Variants in DHRS4L2 observed in about 807,000 individuals in gnomAD.
DHRS4L2 encodes the protein dehydrogenase/reductase 4 like 2.
Under a neutral mutation model 23.9 loss-of-function variants are expected in DHRS4L2, and 22 were observed. That is an observed-to-expected ratio of 0.92 (90% CI 0.66 to 1.31). DHRS4L2 has a LOEUF of 1.31. DHRS4L2 is among the 40% of genes most tolerant of loss of function. DHRS4L2 has a pLI of 0.00. For synonymous variants in DHRS4L2, 141 were observed against 123.7 expected (o/e 1.14, Z -0.93); for missense variants, 385 against 303.3 (o/e 1.27, Z -2.00).
Position 24,001,130 on chromosome 14 carries a change from C to T in DHRS4L2, c.531+46C>T, listed in dbSNP as rs766593107. ...CTCTTCCATCCCACCCTCCACTCCA[C>T]ATCTTTCCACCCCTCCTATTACCCA... On this transcript the variant is annotated intron_variant, in intron 5 of 7. Coordinates refer to ENST00000335125, the MANE Select transcript of DHRS4L2 (RefSeq NM_198083.4). 1.9e-6 allele frequency: 3 copies of T among 1,609,528 alleles called. No individual in the cohort carries two copies. In the South Asian group the frequency reaches 3.3e-5, roughly 18 times the overall value.
chr14:23,989,553 G>C (rs1361949594), intron 1 of DHRS4L2, among the ~76,000 whole-genome samples: 11 of 151,400 alleles, frequency 7.3e-5, no homozygotes, highest in Admixed American at 5.9e-4. Context: ...GGTACATCTG[G>C]GCCTACCTTG....
rs1307671789 is a variant in DHRS4L2 at position 23,990,892 on chromosome 14, G to C, written c.306+533G>C. On this transcript the variant is annotated intron_variant, in intron 2 of 7. Transcript: ENST00000335125. ...GCAACTTCCCAAGGTCCCACAGCCA[G>C]TAAGGAAAGACCCAGACCTCCCAAG... 3 of 754,466 alleles carry C rather than the reference G, an allele frequency of 4.0e-6. No individual in the cohort carries two copies. In the African/African-American group the frequency reaches 5.7e-5, roughly 14 times the overall value. 46.7% of individuals were successfully genotyped at this position (754,466 alleles called of 1,614,324 possible).
intron 1 of DHRS4L2, among the ~76,000 whole-genome samples, chr14:23,989,818 C>T (rs2034228674): frequency 6.6e-6 from 1 of 151,692 alleles, no homozygotes; most frequent in South Asian, 2.1e-4. Flanking sequence ...AGAAAGAAAC[C>T]TGGCGGCAGG....
At position 24,000,947 on chromosome 14, in the gene DHRS4L2, G is replaced by A. The variant is rs201378287; in HGVS notation, c.479+14G>A. The A allele has an allele frequency of 3.3e-4, 535 of 1,611,418 alleles. 11 individuals are homozygous for A. The Middle Eastern group carries it at 6.6e-3, about 20-fold the overall frequency. ...GGAGAAACGAGGGTACAGAGAGTGA[G>A]AGAGAGCCTGGGTGAGAGGGGACCC... On this transcript the variant is annotated intron_variant, in intron 4 of 7. Coordinates refer to ENST00000335125, the MANE Select transcript of DHRS4L2 (RefSeq NM_198083.4).
rs373740586 is a variant in DHRS4L2, at chr14:23,988,939, G to T, written c.-9G>T. 12 of 1,611,646 alleles carry T rather than the reference G, an allele frequency of 7.4e-6. No individual in the cohort carries two copies. The highest frequency in any genetic ancestry group is 2.2e-5 in the East Asian group (1 of 44,866). The stretch of plus-strand genomic sequence containing the variant: ...GAAGGAGTGGAACCCAGACTTGCTG[G>T]TCTGATCCATGCAGATGGCCAGGCT... On this transcript the variant is annotated 5_prime_UTR_variant, in exon 1 of 8. Coordinates refer to ENST00000335125, the MANE Select transcript of DHRS4L2 (RefSeq NM_198083.4).
chr14:24,004,445 G>T, intron 7 of DHRS4L2, 53 bp downstream of exon 7: 5 of 1,577,136 alleles, frequency 3.2e-6, no homozygotes, highest in Non-Finnish European at 4.3e-6. Flanking sequence ...GGGAAGGTCT[G>T]GTCCCTAGCA....
At chr14:24,004,429 G>A (rs1195666508) in intron 7 of DHRS4L2, 37 bp downstream of exon 7, 4 of 1,589,192 alleles carry the variant, frequency 2.5e-6, no homozygotes, top group Non-Finnish European at 3.4e-6. Context: ...TAAGAGACAT[G>A]AAGATGGGAA....
At chr14:23,984,270 A>T (rs1467686574), upstream of DHRS4L2, among the ~76,000 whole-genome samples, 2 of 151,712 alleles carry the variant, frequency 1.3e-5, no homozygotes, top group African/African-American at 2.4e-5. Context: ...TACTTTTCAC[A>T]TAACTTTCTT....
chr14:23,985,947 A>AT (rs2034132649), upstream of DHRS4L2, among the ~76,000 whole-genome samples: 1 of 151,380 alleles, frequency 6.6e-6, no homozygotes, highest in Admixed American at 6.6e-5. Flanking sequence ...TGCCCAGCTA[A>AT]TTTTTGTATT....
chr14:23,970,136 G>C (rs1310889259), exon 1 of DHRS4L2: 2 of 455,950 alleles, frequency 4.4e-6, no homozygotes, highest in Non-Finnish European at 8.8e-6. Flanking sequence ...AGAGTTGTAA[G>C]GTACGGGACT....
chr14:23,972,023 C>T, intron 1 of DHRS4L2, among the ~76,000 whole-genome samples: 1 of 152,188 alleles, frequency 6.6e-6, no homozygotes, highest in African/African-American at 2.4e-5. Context: ...AATTAAAAGA[C>T]ACAGACTGGC....
Position 23,974,923 on chromosome 14 carries a change from A to G in DHRS4L2, c.-176+4591A>G, listed in dbSNP as rs556923838. On this transcript the variant is annotated intron_variant, in intron 1 of 5. Transcript: ENST00000534993. The stretch of plus-strand genomic sequence containing the variant: ...ATAATGCCAGAATCATCCGGATATC[A>G]AAGCTTGGCAGAGACACAACAAAAC... Among the ~76,000 whole-genome samples the G allele has an allele frequency of 3.4e-4, 52 of 151,834 alleles. 1 individual carries two copies. The highest frequency in any genetic ancestry group is 6.0e-4 in the Non-Finnish European group (41 of 67,942).
At chr14:23,997,824 T>G (rs1435793029) in intron 3 of DHRS4L2, among the ~76,000 whole-genome samples, 3 of 151,758 alleles carry the variant, frequency 2.0e-5, no homozygotes, top group Non-Finnish European at 2.9e-5. Flanking sequence ...CTCCTGTAAA[T>G]CTAGATATTT....
At chr14:23,988,874 C>T, upstream of DHRS4L2, 1 of 1,557,088 alleles carries the variant, frequency 6.4e-7, no homozygotes, top group East Asian at 2.3e-5. Context: ...GCGGCCCGCC[C>T]TTCGTCCTGC....
intron 1 of DHRS4L2, among the ~76,000 whole-genome samples, chr14:23,973,163 T>G (rs1206611255): frequency 6.6e-6 from 1 of 152,002 alleles, no homozygotes; most frequent in Non-Finnish European, 1.5e-5. Context: ...GGTGTCAGGC[T>G]GGGGGACAGT....
intron 3 of DHRS4L2, among the ~76,000 whole-genome samples, chr14:23,998,909 C>A (rs2034432875): frequency 2.0e-5 from 3 of 147,516 alleles, no homozygotes; most frequent in Middle Eastern, 3.4e-3. Flanking sequence ...CAGCTTTCAA[C>A]ATGCCTTCCT....
chr14:23,988,441 C>T (rs959403195), upstream of DHRS4L2, among the ~76,000 whole-genome samples: 2 of 149,598 alleles, frequency 1.3e-5, no homozygotes, highest in African/African-American at 2.4e-5. Context: ...TCCCAGGCTG[C>T]TCCAGCCTCA....
chr14:23,986,826 G>C (rs2034153769), upstream of DHRS4L2, among the ~76,000 whole-genome samples: 1 of 151,422 alleles, frequency 6.6e-6, no homozygotes, highest in Non-Finnish European at 1.5e-5. Context: ...CACACAGATG[G>C]AGAGCCCTGG....
intron 1 of DHRS4L2, among the ~76,000 whole-genome samples, chr14:23,983,391 G>T (rs542636450): frequency 3.3e-5 from 5 of 151,850 alleles, no homozygotes; most frequent in African/African-American, 9.7e-5. Context: ...ACAGATGCTG[G>T]AGAGGATGTG....
Sources: gnomAD v4.1 joint callset for allele counts (sites outside exome capture counted in the v4.1 genomes callset) on GRCh38, gnomAD v4.1.1 for gene constraint, MANE v1.5 for transcripts, NCBI Gene and HGNC (gene_info 2026-07-23, HGNC 2026-07-21) for gene names.